Variants in CTNNA2 observed in about 807,000 individuals in gnomAD.
CTNNA2 encodes catenin alpha 2.
CTNNA2 carries 42 observed loss-of-function variants against 101.0 expected under a neutral mutation model. The ratio of observed to expected loss-of-function variants is 0.42; its 90% CI spans 0.32 to 0.54. CTNNA2 has a LOEUF of 0.54. Ranked by LOEUF, CTNNA2 falls within the 20% of genes least tolerant of loss-of-function variation. CTNNA2 has a pLI of 0.14. For synonymous variants in CTNNA2, 450 were observed against 456.4 expected, an observed-to-expected ratio of 0.99 and a Z score of 0.18; for missense variants, 871 against 1,223.1, an observed-to-expected ratio of 0.71 and a Z score of 4.29.
At chr2:80,368,893 C>T (rs1460948228) in intron 7 of CTNNA2, among the ~76,000 whole-genome samples, 1 of 134,238 alleles carries the variant, frequency 7.4e-6, no homozygotes, top group Non-Finnish European at 1.7e-5. Flanking sequence ...ATTTGGCACG[C>T]TAGGCTAGTG....
rs188257248 is a variant in CTNNA2 at position 80,025,424 on chromosome 2, C to T, written c.1056+115627C>T. The stretch of plus-strand genomic sequence containing the variant: ...GAAGGAACAGCTATCTCCTCTTCCA[C>T]TAACGCAAGTTTAATAAAGGTGGCT... On this transcript the variant is annotated intron_variant, in intron 7 of 18. Coordinates refer to ENST00000402739, the MANE Select transcript of CTNNA2 (RefSeq NM_001282597.3). Among the ~76,000 whole-genome samples the T allele has an allele frequency of 2.0e-5, 3 of 152,308 alleles. No homozygotes were observed. The East Asian group carries it at 5.8e-4, about 29-fold the overall frequency.
chr2:80,398,608 A>G (rs973594309), intron 8 of CTNNA2, among the ~76,000 whole-genome samples: 15 of 151,008 alleles, frequency 9.9e-5, no homozygotes, highest in Admixed American at 2.0e-4. Context: ...TAATCCTAAC[A>G]CTTTGGGAGG....
At chr2:80,021,057 G>A (rs919317946) in intron 7 of CTNNA2, among the ~76,000 whole-genome samples, 4 of 144,962 alleles carry the variant, frequency 2.8e-5, no homozygotes, top group Non-Finnish European at 4.5e-5. Context: ...GCTGGAGTGC[G>A]GTGGCGTGAT....
At chr2:79,472,481 C>G (rs1442353303) in intron 4 of CTNNA2, among the ~76,000 whole-genome samples, 6 of 152,140 alleles carry the variant, frequency 3.9e-5, no homozygotes, top group African/African-American at 1.4e-4. Flanking sequence ...GTCATTCTTT[C>G]TTTGTCTTGA....
chr2:80,158,199 G>C (rs1169812864), intron 7 of CTNNA2, among the ~76,000 whole-genome samples: 1 of 152,176 alleles, frequency 6.6e-6, no homozygotes, highest in Non-Finnish European at 1.5e-5. Flanking sequence ...CCCAAGGTCT[G>C]TGTTCCTTCT....
chr2:80,353,753 G>T (rs778087450), intron 7 of CTNNA2, among the ~76,000 whole-genome samples: 1 of 152,104 alleles, frequency 6.6e-6, no homozygotes, highest in Non-Finnish European at 1.5e-5. Context: ...AGATAACCCA[G>T]GTGAAAGTGC....
chr2:79,407,852 C>T (rs1047570968), intron 4 of CTNNA2, among the ~76,000 whole-genome samples: 2 of 152,032 alleles, frequency 1.3e-5, no homozygotes, highest in African/African-American at 2.4e-5. Flanking sequence ...CCTGGCCTAA[C>T]AAAAGTATGC....
chr2:79,395,619 T>G (rs539011419), intron 4 of CTNNA2, among the ~76,000 whole-genome samples: 1 of 152,290 alleles, frequency 6.6e-6, no homozygotes, highest in African/African-American at 2.4e-5. Flanking sequence ...AATAAGACTC[T>G]TGGTACATCC....
chr2:80,641,287 T>G (rs2149856024), intron 18 of CTNNA2, among the ~76,000 whole-genome samples: 1 of 152,308 alleles, frequency 6.6e-6, no homozygotes, highest in South Asian at 2.1e-4. Context: ...TTTGCATTAT[T>G]TTTAATCCAA....
chr2:80,076,553 G>T (rs750724586), intron 7 of CTNNA2, among the ~76,000 whole-genome samples: 6 of 150,938 alleles, frequency 4.0e-5, no homozygotes, highest in Non-Finnish European at 8.8e-5. Flanking sequence ...AAATTTCTGG[G>T]ATTACAGGCA....
chr2:79,401,045 A>T (rs1451539), intron 4 of CTNNA2, among the ~76,000 whole-genome samples: 119,271 of 151,684 alleles, frequency 0.79, 47,050 homozygotes, highest in East Asian at 0.93. Flanking sequence ...AGACACAGAG[A>T]AAACTGAGAG....
chr2:80,112,008 G>C (rs1701242042), intron 7 of CTNNA2, among the ~76,000 whole-genome samples: 1 of 152,134 alleles, frequency 6.6e-6, no homozygotes, highest in Non-Finnish European at 1.5e-5. Flanking sequence ...GATGCAAATG[G>C]TACCTGTTCT....
intron 3 of CTNNA2, among the ~76,000 whole-genome samples, chr2:79,355,227 A>C (rs770953621): frequency 4.6e-5 from 7 of 152,130 alleles, no homozygotes; most frequent in Non-Finnish European, 8.8e-5. Flanking sequence ...TTTGGGTTCC[A>C]TATGAATGTT....
At chr2:80,134,695 CTGT>C (rs1702597053) in intron 7 of CTNNA2, among the ~76,000 whole-genome samples, 1 of 152,210 alleles carries the variant, frequency 6.6e-6, no homozygotes, top group Non-Finnish European at 1.5e-5. Flanking sequence ...GCCACCACCC[CTGT>C]TCTGCCTTTC....
At position 80,146,602 on chromosome 2, in the gene CTNNA2, T is replaced by G. The variant is rs142272235; in HGVS notation, c.1056+236805T>G. Among the ~76,000 whole-genome samples the G allele has an allele frequency of 7.5e-3, 1,140 of 152,114 alleles. 17 individuals carry two copies. The highest frequency in any genetic ancestry group is 0.026 in the African/African-American group (1,092 of 41,502). On this transcript the variant is annotated intron_variant, in intron 7 of 18. Transcript: ENST00000402739. ...TTTCTTGCTCTTACTTGAGTCTAGA[T>G]TTGGACCACGAGACTCTCACTTTAA...
chr2:79,394,081 G>A (rs1190229657), intron 4 of CTNNA2, among the ~76,000 whole-genome samples: 2 of 152,174 alleles, frequency 1.3e-5, no homozygotes, highest in East Asian at 3.9e-4. Context: ...GGGATGAGTG[G>A]TCACGTACAC....
At chr2:80,406,826 CAAAAAAAAAA>C (rs56793591) in intron 8 of CTNNA2, among the ~76,000 whole-genome samples, 1 of 63,982 alleles carries the variant, frequency 1.6e-5, no homozygotes. Context: ...GACTCCATCT[CAAAAAAAAAA>C]AAAAAAAAAA....
chr2:80,409,841 CT>C (rs1679407998), intron 8 of CTNNA2, among the ~76,000 whole-genome samples: 1 of 151,726 alleles, frequency 6.6e-6, no homozygotes, highest in African/African-American at 2.4e-5. Flanking sequence ...GTAGATTTTT[CT>C]TTATAGATCC....
Position 79,811,503 on chromosome 2 carries a change from C to T in CTNNA2, c.299-46510C>T, listed in dbSNP as rs1015895736. ...TGTCCACTCAGATGGTAGTTTCTTT[C>T]GCCTTTTCACCTTTTCTAAAAGTCA... On this transcript the variant is annotated intron_variant, in intron 3 of 18. Coordinates refer to ENST00000402739, the MANE Select transcript of CTNNA2 (RefSeq NM_001282597.3). Among the ~76,000 whole-genome samples, 44 of 151,978 alleles carry T rather than the reference C, an allele frequency of 2.9e-4. 1 individual carries two copies. The highest frequency in any genetic ancestry group is 3.4e-3 in the Middle Eastern group (1 of 294).
Sources: gnomAD v4.1 joint callset for allele counts (sites outside exome capture counted in the v4.1 genomes callset) on GRCh38, gnomAD v4.1.1 for gene constraint, MANE v1.5 for transcripts, NCBI Gene and HGNC (gene_info 2026-07-23, HGNC 2026-07-21) for gene names.